RBFOX1: variants seen among roughly 807,000 people sequenced by gnomAD.
RBFOX1 encodes the protein RNA binding fox-1 homolog 1.
Under a neutral mutation model 57.7 loss-of-function variants are expected in RBFOX1, and 8 were observed. The ratio of observed to expected loss-of-function variants is 0.14; its 90% CI spans 0.08 to 0.25. The LOEUF (loss-of-function observed/expected upper bound fraction) is 0.25. RBFOX1 is among the 10% of genes least tolerant of loss of function. RBFOX1 has a pLI of 1.00. For synonymous variants in RBFOX1, 326 were observed against 222.4 expected, an observed-to-expected ratio of 1.47 and a Z score of -4.15; for missense variants, 611 against 548.5, an observed-to-expected ratio of 1.11 and a Z score of -1.14.
intron 2 of RBFOX1, among the ~76,000 whole-genome samples, chr16:6,335,508 G>C (rs528627404): frequency 6.6e-6 from 1 of 152,022 alleles, no homozygotes; most frequent in Non-Finnish European, 1.5e-5. Flanking sequence ...GGCCGGGCGC[G>C]GTGGTTCACG....
chr16:5,280,338 A>G (rs2063240495), intron 1 of RBFOX1, among the ~76,000 whole-genome samples: 1 of 152,194 alleles, frequency 6.6e-6, no homozygotes, highest in African/African-American at 2.4e-5. Context: ...TCGGTTTAGT[A>G]GTATTATGCC....
chr16:7,001,170 A>G (rs1003369971), intron 3 of RBFOX1, among the ~76,000 whole-genome samples: 3 of 152,148 alleles, frequency 2.0e-5, no homozygotes, highest in Admixed American at 1.3e-4. Context: ...GTTTGCTTGC[A>G]TATTCCAAAG....
At chr16:5,932,388 G>A (rs74006515) in intron 4 of RBFOX1, among the ~76,000 whole-genome samples, 8,982 of 152,162 alleles carry the variant, frequency 0.059, 809 homozygotes, top group African/African-American at 0.19. Context: ...TTCCAACAAC[G>A]GGAATGAATA....
At chr16:5,249,654 A>G (rs2062396141) in intron 1 of RBFOX1, among the ~76,000 whole-genome samples, 2 of 152,084 alleles carry the variant, frequency 1.3e-5, no homozygotes, top group Admixed American at 6.5e-5. Context: ...ACAAATTATT[A>G]TTTGTTCATT....
chr16:5,258,422 A>G (rs1406895735), intron 1 of RBFOX1, among the ~76,000 whole-genome samples: 1 of 151,276 alleles, frequency 6.6e-6, no homozygotes, highest in Non-Finnish European at 1.5e-5. Flanking sequence ...CATTTTTTAT[A>G]TGATCATTGT....
chr16:6,925,109 G>GAATTTTTTTT (rs2075300959), intron 3 of RBFOX1, among the ~76,000 whole-genome samples: 1 of 45,218 alleles, frequency 2.2e-5, no homozygotes, highest in African/African-American at 8.8e-5. Flanking sequence ...TAGGTTGTTG[G>GAATTTTTTTT]TTTTTTTTTT....
At chr16:6,210,737 G>T (rs1334062901) in intron 1 of RBFOX1, among the ~76,000 whole-genome samples, 1 of 151,654 alleles carries the variant, frequency 6.6e-6, no homozygotes, top group Non-Finnish European at 1.5e-5. Context: ...CAAAAAAAAA[G>T]AAAAGAAAAG....
At chr16:6,226,029 G>C (rs573761181) in intron 1 of RBFOX1, among the ~76,000 whole-genome samples, 2 of 152,148 alleles carry the variant, frequency 1.3e-5, no homozygotes, top group Admixed American at 6.5e-5. Flanking sequence ...CATTCCTGCA[G>C]TTCCTTTCCA....
In RBFOX1 at chr16:7,047,414, A is replaced by G. The variant is rs529048013; in HGVS notation, c.-15-4643A>G. 4.2e-4 allele frequency among the ~76,000 whole-genome samples: 64 copies of G among 152,142 alleles called. 2 individuals are homozygous for G. The highest frequency in any genetic ancestry group is 3.8e-3 in the Admixed American group (58 of 15,274). On this transcript the variant is annotated intron_variant, in intron 3 of 15. Transcript: ENST00000550418. ...GTTTGTTTAGTTTGGATTTTGTTTT[A>G]AATCCATAGTTCTTTGAATTGTTGG...
intron 4 of RBFOX1, among the ~76,000 whole-genome samples, chr16:7,491,188 C>G (rs915249207): frequency 6.6e-6 from 1 of 152,126 alleles, no homozygotes; most frequent in African/African-American, 2.4e-5. Context: ...CAACCACCCA[C>G]TTACCCATCT....
At chr16:6,564,825 T>C (rs2097236084) in intron 2 of RBFOX1, among the ~76,000 whole-genome samples, 1 of 152,174 alleles carries the variant, frequency 6.6e-6, no homozygotes, top group South Asian at 2.1e-4. Flanking sequence ...TGTTCAGTCC[T>C]TATTTAAAAA....
chr16:6,110,383 A>T (rs2096432248), intron 1 of RBFOX1, among the ~76,000 whole-genome samples: 1 of 152,162 alleles, frequency 6.6e-6, no homozygotes, highest in African/African-American at 2.4e-5. Flanking sequence ...AAATTATAAA[A>T]TAAAATAAAA....
chr16:7,230,617 C>T (rs1271056895), intron 4 of RBFOX1, among the ~76,000 whole-genome samples: 2 of 152,120 alleles, frequency 1.3e-5, no homozygotes, highest in Non-Finnish European at 2.9e-5. Flanking sequence ...TGGGCACTAC[C>T]ACTAGCTTCT....
intron 4 of RBFOX1, among the ~76,000 whole-genome samples, chr16:7,399,946 A>T (rs1470150345): frequency 1.3e-5 from 2 of 152,206 alleles, no homozygotes; most frequent in Non-Finnish European, 2.9e-5. Context: ...GTGGGCGATG[A>T]CTATGTACCA....
chr16:6,217,058 C>T (rs971216583), intron 1 of RBFOX1, among the ~76,000 whole-genome samples: 8 of 152,242 alleles, frequency 5.3e-5, no homozygotes, highest in East Asian at 1.9e-4. Context: ...CTGACATATC[C>T]GCATCTTAAC....
intron 4 of RBFOX1, among the ~76,000 whole-genome samples, chr16:7,469,598 C>T (rs982052504): frequency 2.0e-5 from 3 of 152,086 alleles, no homozygotes; most frequent in Admixed American, 6.6e-5. Flanking sequence ...TGTGATATAG[C>T]CCTGAGTTCC....
At chr16:7,693,363 T>C (rs145555664) in intron 14 of RBFOX1, 125 of 1,610,316 alleles carry the variant, frequency 7.8e-5, no homozygotes, top group Non-Finnish European at 9.2e-5. Context: ...GTAACACCTC[T>C]GCAGGTAACA....
At chr16:7,394,551 C>T (rs780283130) in intron 4 of RBFOX1, among the ~76,000 whole-genome samples, 24 of 152,218 alleles carry the variant, frequency 1.6e-4, no homozygotes, top group Non-Finnish European at 3.2e-4. Context: ...CATCTTCTTG[C>T]GTTTCCATTT....
intron 1 of RBFOX1, among the ~76,000 whole-genome samples, chr16:5,352,648 A>G (rs1308972075): frequency 6.6e-6 from 1 of 152,228 alleles, no homozygotes; most frequent in African/African-American, 2.4e-5. Flanking sequence ...TTTAATGATA[A>G]TAAAATACTC....
Sources: gnomAD v4.1 joint callset for allele counts (sites outside exome capture counted in the v4.1 genomes callset) on GRCh38, gnomAD v4.1.1 for gene constraint, MANE v1.5 for transcripts, NCBI Gene and HGNC (gene_info 2026-07-23, HGNC 2026-07-21) for gene names.